Variants in AGAP1 observed in about 807,000 individuals in gnomAD.
AGAP1 encodes ArfGAP with GTPase domain, ankyrin repeat and PH domain 1.
Under a neutral mutation model 105.3 loss-of-function variants are expected in AGAP1, and 29 were observed. The ratio of observed to expected loss-of-function variants is 0.28; its 90% confidence interval spans 0.21 to 0.38. The LOEUF is 0.38. Ranked by LOEUF, AGAP1 falls within the 10% of genes least tolerant of loss-of-function variation. The probability of loss-of-function intolerance (pLI) is 1.00; values close to 1 mark genes in which losing one functional copy is unlikely to be tolerated. For synonymous variants in AGAP1, 509 were observed against 485.9 expected, an observed-to-expected ratio of 1.05 and a Z score of -0.63; for missense variants, 998 against 1,165.1, an observed-to-expected ratio of 0.86 and a Z score of 2.09.
At chr2:235,679,032 G>C (rs1292140030) in intron 1 of AGAP1, among the ~76,000 whole-genome samples, 2 of 152,230 alleles carry the variant, frequency 1.3e-5, no homozygotes, top group Non-Finnish European at 2.9e-5. Flanking sequence ...TTTCAGGTGT[G>C]TGGATAATAC....
intron 1 of AGAP1, among the ~76,000 whole-genome samples, chr2:235,634,525 G>T (rs1946929331): frequency 6.6e-6 from 1 of 152,154 alleles, no homozygotes; most frequent in Admixed American, 6.5e-5. Flanking sequence ...AGTCTCTCAG[G>T]CTGTGAAGCA....
At chr2:235,576,752 C>T (rs566478977) in intron 1 of AGAP1, among the ~76,000 whole-genome samples, 1 of 152,270 alleles carries the variant, frequency 6.6e-6, no homozygotes, top group Non-Finnish European at 1.5e-5. Context: ...GCATCATTAG[C>T]TGCAGCTCCT....
intron 11 of AGAP1, among the ~76,000 whole-genome samples, chr2:235,917,072 TG>T (rs1489751776): frequency 6.6e-6 from 1 of 152,220 alleles, no homozygotes; most frequent in Non-Finnish European, 1.5e-5. Context: ...AGTGTGTCTT[TG>T]TTGGGTTTTT....
intron 9 of AGAP1, among the ~76,000 whole-genome samples, chr2:235,854,904 G>A (rs115969766): frequency 0.012 from 881 of 71,758 alleles, 3 homozygotes; most frequent in African/African-American, 0.045. Context: ...AGTGTAGATC[G>A]TTTCTGCTGC....
intron 1 of AGAP1, among the ~76,000 whole-genome samples, chr2:235,561,111 C>G (rs1231945402): frequency 6.6e-6 from 1 of 152,188 alleles, no homozygotes; most frequent in Non-Finnish European, 1.5e-5. Flanking sequence ...TTAGCCTTCT[C>G]TGTTGTGTTG....
chr2:235,688,543 G>A (rs1163376684), intron 1 of AGAP1, among the ~76,000 whole-genome samples: 1 of 152,120 alleles, frequency 6.6e-6, no homozygotes, highest in African/African-American at 2.4e-5. Flanking sequence ...TTCAGAAAAA[G>A]CCAGATCCTG....
At position 235,962,353 on chromosome 2, in the gene AGAP1, C is replaced by G. The variant is rs139631169; in HGVS notation, c.1484-6109C>G. Among the ~76,000 whole-genome samples, 1,317 of 152,072 alleles carry G rather than the reference C, an allele frequency of 8.7e-3. 16 individuals carry two copies. Among genetic ancestry groups the G allele is most frequent in the African/African-American group, 0.03 (1,257 of 41,500 alleles). On this transcript the variant is annotated intron_variant, in intron 12 of 17. Coordinates refer to ENST00000304032, the MANE Select transcript of AGAP1 (RefSeq NM_001037131.3). The surrounding 1 kb of genome is among the most constrained non-coding windows in gnomAD (Gnocchi z 5.3). ...TGGAAGTCAGTGAAGTTGGGGCTTC[C>G]TACTCAGGAGAGATGGTGGGAGAAG...
At chr2:235,703,168 T>TCCGCC (rs1950342524) in intron 1 of AGAP1, among the ~76,000 whole-genome samples, 1 of 152,054 alleles carries the variant, frequency 6.6e-6, no homozygotes, top group African/African-American at 2.4e-5. Flanking sequence ...CCTCAAGTGA[T>TCCGCC]CCGCCTGCCT....
intron 1 of AGAP1, among the ~76,000 whole-genome samples, chr2:235,676,238 C>G (rs1239404461): frequency 6.6e-6 from 1 of 152,224 alleles, no homozygotes; most frequent in Non-Finnish European, 1.5e-5. Flanking sequence ...CATAGCATAT[C>G]TCCATTAGAG....
In AGAP1 at chr2:235,622,379, C is replaced by T. The variant is rs1036314588; in HGVS notation, c.164-86800C>T. On this transcript the variant is annotated intron_variant, in intron 1 of 17. Coordinates refer to ENST00000304032, the MANE Select transcript of AGAP1 (RefSeq NM_001037131.3). The surrounding 1 kb of genome is among the most constrained non-coding windows in gnomAD (Gnocchi z 5.0). ...TTCTCATCCTTCAGAGCTCCCTGAG[C>T]TTCTTCACGGCCACGCTGCTCTCCT... Among the ~76,000 whole-genome samples the T allele has an allele frequency of 8.5e-5, 13 of 152,192 alleles. No individual in the cohort carries two copies. Among genetic ancestry groups the T allele is most frequent in the Non-Finnish European group, 1.9e-4 (13 of 68,050 alleles).
Position 235,788,185 on chromosome 2 carries a change from A to G in AGAP1, c.674-9574A>G, listed in dbSNP as rs1956763930. Among the ~76,000 whole-genome samples, 1 of 152,182 alleles carries G rather than the reference A, an allele frequency of 6.6e-6. No individual in the cohort carries two copies. Among genetic ancestry groups the G allele is most frequent in the Admixed American group, 6.5e-5 (1 of 15,276 alleles). ...ACTTAGCTCAAGTGCACAGAGAAGCAGAGTGCCATACTGGGACCCTACGGT... is the reference window on the plus strand; with the variant it reads ...ACTTAGCTCAAGTGCACAGAGAAGCGGAGTGCCATACTGGGACCCTACGGT... On this transcript the variant is annotated intron_variant, in intron 6 of 17. Transcript: ENST00000304032. This position sits in a 1 kb window ranked among gnomAD's most constrained non-coding sequence, Gnocchi z 6.0.
intron 1 of AGAP1, among the ~76,000 whole-genome samples, chr2:235,568,097 C>T (rs188698191): frequency 6.6e-6 from 1 of 152,092 alleles, no homozygotes; most frequent in Non-Finnish European, 1.5e-5. Context: ...CCCACACTGA[C>T]CTCGTGATGT....
At position 236,105,519 on chromosome 2, in the gene AGAP1, G is replaced by GGAGGAGA. The variant is rs1221517575; in HGVS notation, c.2115-14664_2115-14658dup. Among the ~76,000 whole-genome samples, 1 of 150,814 alleles carries GGAGGAGA rather than the reference G, an allele frequency of 6.6e-6. No homozygotes were observed. Among genetic ancestry groups the GGAGGAGA allele is most frequent in the Non-Finnish European group, 1.5e-5 (1 of 67,868 alleles). Reference sequence around the variant, plus strand: ...GATGCCTCTTGCAGTGTCCTCATGTGGAGGAGAGAGGAGAGGGGCATCTCT... The same window carrying GGAGGAGA: ...GATGCCTCTTGCAGTGTCCTCATGTGGAGGAGAGAGGAGAGAGGAGAGGGGCATCTCT... On this transcript the variant is annotated intron_variant, in intron 16 of 17. Transcript: ENST00000304032. This position sits in a 1 kb window ranked among gnomAD's most constrained non-coding sequence, Gnocchi z 4.2.
At chr2:235,707,075 C>A (rs58073088) in intron 1 of AGAP1, among the ~76,000 whole-genome samples, 11,618 of 152,208 alleles carry the variant, frequency 0.076, 1,456 homozygotes, top group African/African-American at 0.26. Context: ...TTTGGGTGCA[C>A]AATTATGCAA....
chr2:235,612,711 A>G lies in AGAP1; in HGVS notation c.164-96468A>G, dbSNP rs1020942798. ...TGCTTGGGCACAGTGGTCCTTTTGC[A>G]TGGGGTGGCCGGCCAGGTGTGCTGA... On this transcript the variant is annotated intron_variant, in intron 1 of 17. Coordinates refer to ENST00000304032, the MANE Select transcript of AGAP1 (RefSeq NM_001037131.3). This position sits in a 1 kb window ranked among gnomAD's most constrained non-coding sequence, Gnocchi z 4.3. Among the ~76,000 whole-genome samples, 2 of 150,600 alleles carry G rather than the reference A, an allele frequency of 1.3e-5. No individual in the cohort carries two copies. The highest frequency in any genetic ancestry group is 3.0e-5 in the Non-Finnish European group (2 of 67,708).
In AGAP1 at chr2:235,736,883, A is replaced by G. The variant is rs1168874436; in HGVS notation, c.311-4080A>G. Among the ~76,000 whole-genome samples, 2 of 152,190 alleles carry G rather than the reference A, an allele frequency of 1.3e-5. No homozygotes were observed. The highest frequency in any genetic ancestry group is 2.9e-5 in the Non-Finnish European group (2 of 68,034). On this transcript the variant is annotated intron_variant, in intron 3 of 17. Coordinates refer to ENST00000304032, the MANE Select transcript of AGAP1 (RefSeq NM_001037131.3). The surrounding 1 kb of genome is among the most constrained non-coding windows in gnomAD (Gnocchi z 5.5). ...ACAACACAACAACAATGAAAAATCT[A>G]ATGACTGGGATGAGATCTGATGAAA...
intron 16 of AGAP1, among the ~76,000 whole-genome samples, chr2:236,117,275 T>G (rs2059793962): frequency 6.6e-6 from 1 of 152,198 alleles, no homozygotes; most frequent in Admixed American, 6.5e-5. Context: ...GTTTTTAGAT[T>G]TTTTGATTAT....
Position 235,968,514 on chromosome 2 carries a change from C to G in AGAP1, c.1536C>G (p.Thr512=), listed in dbSNP as rs1405597209. Residue 512 remains threonine, a synonymous_variant, in exon 13 of 18, where the codon ACC becomes ACG. Coordinates refer to ENST00000304032, the MANE Select transcript of AGAP1 (RefSeq NM_001037131.3). ...CCAGCCCCAGTATCTCCAGCACCAC[C>G]AGCCCCAAGCTCGACCCGCCCCCCT... The part of the protein sequence containing the change: ...VCSSPSISST[T]SPKLDPPPSP... The G allele has an allele frequency of 1.2e-6, 2 of 1,612,112 alleles. No individual in the cohort carries two copies. Among genetic ancestry groups the G allele is most frequent in the Middle Eastern group, 3.3e-4 (2 of 6,076 alleles).
In AGAP1 at chr2:235,601,912, G is replaced by A. The variant is rs1008967478; in HGVS notation, c.163+107063G>A. Among the ~76,000 whole-genome samples the A allele has an allele frequency of 3.3e-5, 5 of 152,116 alleles. No homozygotes were observed. Among genetic ancestry groups the A allele is most frequent in the South Asian group, 2.1e-4 (1 of 4,824 alleles). On this transcript the variant is annotated intron_variant, in intron 1 of 17. Transcript: ENST00000304032. This position sits in a 1 kb window ranked among gnomAD's most constrained non-coding sequence, Gnocchi z 4.4. ...CAGGTCACTGCAGTAACCTCTTAGC[G>A]GGCCTCCGTGCCCCATCCCAAAAGG...
Sources: allele counts gnomAD v4.1 joint callset (sites outside exome capture counted in the v4.1 genomes callset), GRCh38; gene constraint gnomAD v4.1.1; non-coding constraint Gnocchi (gnomAD v3.1); transcripts MANE v1.5; gene names NCBI Gene and HGNC (gene_info 2026-07-23, HGNC 2026-07-21).